Variants in DPP8 observed in about 807,000 individuals in gnomAD.
DPP8 encodes the protein dipeptidyl peptidase 8, also known as DPP VIII.
DPP8 carries 31 observed loss-of-function variants against 107.5 expected under a neutral mutation model. The observed-to-expected ratio is 0.29, with a 90% CI of 0.22 to 0.39. DPP8 has a LOEUF of 0.39. Among genes scored for constraint, DPP8 ranks in the 10% least tolerant of loss-of-function variants. The pLI is 1.00. For missense variants in DPP8, 842 were observed against 1,076.1 expected (o/e 0.78, Z 3.04); for synonymous variants, 381 against 356.6 (o/e 1.07, Z -0.77).
intron 4 of DPP8, among the ~76,000 whole-genome samples, chr15:65,500,073 A>T (rs1052748390): frequency 1.1e-4 from 16 of 151,180 alleles, no homozygotes; most frequent in Non-Finnish European, 2.1e-4. Context: ...GTTTTTTTAA[A>T]TTTTTTTTTG....
chr15:65,515,616 C>G lies in DPP8; in HGVS notation c.-12+1870G>C, dbSNP rs915812404. ...AGCACAGTGCATATATTTCACTGCC[C>G]CACCTACCTCGTCACTTAAGTAGTT... is the stretch of plus-strand genomic sequence containing the variant. On this transcript the variant is annotated intron_variant, in intron 1 of 19. Transcript: ENST00000300141. 3.1e-6 allele frequency: 5 copies of G among 1,592,406 alleles called. No individual in the cohort carries two copies. The Admixed American group carries it at 5.0e-5, about 16-fold the overall frequency.
chr15:65,467,117 G>C lies in DPP8; in HGVS notation c.1643C>G (p.Thr548Arg), dbSNP rs565424889. The C allele has an allele frequency of 1.2e-5, 20 of 1,614,150 alleles. No individual in the cohort carries two copies. In the African/African-American group the frequency reaches 2.5e-4, roughly 20 times the overall value. Residue 548 changes from threonine to arginine, a missense_variant, in exon 13 of 20, where the codon ACA becomes AGA. By Grantham distance (71) the Thr-to-Arg change is moderately conservative. Coordinates refer to ENST00000300141, the MANE Select transcript of DPP8 (RefSeq NM_130434.5). ...VVSYVNPGEVTRLTDRGYSHS... is the reference protein window; with the variant it reads ...VVSYVNPGEVRRLTDRGYSHS... Reference sequence around the variant, plus strand: ...TGAGTAGCCACGGTCAGTCAGCCTTGTCACCTCTCCAGGATTTACGTAACT... The same window carrying C: ...TGAGTAGCCACGGTCAGTCAGCCTTCTCACCTCTCCAGGATTTACGTAACT...
At chr15:65,455,528 T>G (rs1252044369) in intron 16 of DPP8, 5 of 390,468 alleles carry the variant, frequency 1.3e-5, no homozygotes, top group Non-Finnish European at 8.0e-6. Context: ...CTCTAGGAAC[T>G]GAACATACTA....
intron 14 of DPP8, among the ~76,000 whole-genome samples, chr15:65,465,848 G>A (rs2065304693): frequency 6.6e-6 from 1 of 152,034 alleles, no homozygotes; most frequent in Non-Finnish European, 1.5e-5. Context: ...GAGCCACCAC[G>A]CCCAGCCCAG....
At chr15:65,493,871 A>AGAT (rs2068288418) in intron 5 of DPP8, among the ~76,000 whole-genome samples, 2 of 152,134 alleles carry the variant, frequency 1.3e-5, no homozygotes, top group Non-Finnish European at 2.9e-5. Context: ...ACTTTCACTT[A>AGAT]GAAACCTATT....
intron 3 of DPP8, 130 bp from the exon 4 acceptor site, chr15:65,500,909 ACT>A: frequency 1.5e-6 from 1 of 670,488 alleles, no homozygotes; most frequent in Non-Finnish European, 2.3e-6. Flanking sequence ...ACAGAGTTTC[ACT>A]CTGTCACCCA....
At chr15:65,472,639 T>C (rs1242399936) in intron 12 of DPP8, among the ~76,000 whole-genome samples, 1 of 152,188 alleles carries the variant, frequency 6.6e-6, no homozygotes, top group African/African-American at 2.4e-5. Context: ...TAGTCTATAA[T>C]AGATTTTTAA....
At chr15:65,511,734 A>G (rs1291753374) in intron 2 of DPP8, among the ~76,000 whole-genome samples, 1 of 666 alleles carries the variant, frequency 1.5e-3, no homozygotes, top group African/African-American at 3.8e-3. Flanking sequence ...CCACACACAC[A>G]CACAAATAAA....
intron 1 of DPP8, among the ~76,000 whole-genome samples, chr15:65,515,236 G>A (rs1567311361): frequency 1.3e-5 from 2 of 152,196 alleles, no homozygotes; most frequent in Non-Finnish European, 2.9e-5. Context: ...GCCATGCCCA[G>A]CTTCTTATTA....
chr15:65,458,598 T>C lies in DPP8; in HGVS notation c.1972-2227A>G, dbSNP rs1363384651. Reference sequence around the variant, plus strand: ...TGTTTAGAAACACAGCTGTTAATAATGGAAAGTTTAAGGAACTGATCCTTG... The same window carrying C: ...TGTTTAGAAACACAGCTGTTAATAACGGAAAGTTTAAGGAACTGATCCTTG... On this transcript the variant is annotated intron_variant, in intron 15 of 19. Coordinates refer to ENST00000300141, the MANE Select transcript of DPP8 (RefSeq NM_130434.5). 3 of 152,294 alleles carry C rather than the reference T, an allele frequency of 2.0e-5. No individual in the cohort carries two copies. The East Asian group carries it at 5.8e-4, about 29-fold the overall frequency. The allele number at this position is 152,294 out of a possible 1,614,324, so 9.4% of individuals were successfully genotyped here. A position where few individuals can be genotyped will look rare whatever the true frequency, so the allele number is the denominator to read the frequency against.
intron 2 of DPP8, among the ~76,000 whole-genome samples, chr15:65,509,444 A>G (rs1265359264): frequency 1.3e-5 from 2 of 152,226 alleles, no homozygotes; most frequent in African/African-American, 2.4e-5. Flanking sequence ...AGCACATTCT[A>G]TGTTCTGACA....
chr15:65,499,089 G>T (rs1457061514), intron 4 of DPP8, among the ~76,000 whole-genome samples: 1 of 118,578 alleles, frequency 8.4e-6, no homozygotes, highest in African/African-American at 3.6e-5. Context: ...GTGTGTGTGT[G>T]TGTGTGTGTG....
In DPP8 at chr15:65,490,288, T is replaced by C. The variant is rs371457497; in HGVS notation, c.727A>G (p.Met243Val). The C allele has an allele frequency of 1.2e-5, 19 of 1,610,224 alleles. No homozygotes were observed. The highest frequency in any genetic ancestry group is 1.4e-5 in the Non-Finnish European group (17 of 1,176,542). The change falls in exon 6 of 20, where the codon ATG (methionine) becomes GTG (valine). Residue 243 changes from methionine to valine, a missense_variant. Coordinates refer to ENST00000300141, the MANE Select transcript of DPP8 (RefSeq NM_130434.5). The stretch of plus-strand genomic sequence containing the variant: ...CCAGCTGATCTGGCATCTTCTTCCA[T>C]GTTGGCTAGCTCTAGACAAATATAA... ...LTYVHNELAN[M>V]EEDARSAGVA... is the part of the protein sequence containing the mutation.
rs1391743818 is a variant in DPP8, at chr15:65,442,964, G to A, written c.*3920C>T. The stretch of plus-strand genomic sequence containing the variant: ...AAATAGCTATAAAGATGGGCTCCCA[G>A]GCTTAAGCAAGCACTCTACTCTATA... On this transcript the variant is annotated 3_prime_UTR_variant, in exon 20 of 20. Transcript: ENST00000300141. 6.6e-6 allele frequency: 1 copy of A among 152,086 alleles called. No individual in the cohort carries two copies. The highest frequency in any genetic ancestry group is 1.5e-5 in the Non-Finnish European group (1 of 68,044). 9.4% of individuals were successfully genotyped at this position (152,086 alleles called of 1,614,324 possible). A position where few individuals can be genotyped will look rare whatever the true frequency, so the allele number is the denominator to read the frequency against.
chr15:65,476,463 G>C (rs352464), intron 11 of DPP8, among the ~76,000 whole-genome samples: 9,142 of 152,182 alleles, frequency 0.06, 275 homozygotes, highest in African/African-American at 0.081. Context: ...GGATGACTTG[G>C]AGCAAGAAAG....
chr15:65,466,228 T>C (rs746051240), intron 14 of DPP8, among the ~76,000 whole-genome samples: 2 of 152,148 alleles, frequency 1.3e-5, no homozygotes, highest in Non-Finnish European at 2.9e-5. Context: ...AACCTCCGCC[T>C]CCCAGCTTCA....
At chr15:65,484,095 G>A (rs62015043) in intron 8 of DPP8, among the ~76,000 whole-genome samples, 4,438 of 152,192 alleles carry the variant, frequency 0.029, 113 homozygotes, top group Middle Eastern at 0.051. Context: ...TTGGAAGGCC[G>A]AGGTGGGCAG....
In DPP8 at chr15:65,466,756, G is replaced by T; in HGVS notation, c.1747C>A (p.Leu583Ile). Reference protein sequence around the residue: ...SNQKNPHCVSLYKLSSPEDDP... With the variant: ...SNQKNPHCVSIYKLSSPEDDP... ...TCTTCAGGACTTGATAGCTTGTAAA[G>T]GGACACACAGTGTGGATTCTTCTGG... Residue 583 changes from leucine (L) to isoleucine (I), a missense_variant, in exon 14 of 20, where the codon CTT becomes ATT. By Grantham distance (5) the Leu-to-Ile change is conservative (BLOSUM62 2). Coordinates refer to ENST00000300141, the MANE Select transcript of DPP8 (RefSeq NM_130434.5). The T allele has an allele frequency of 4.3e-6, 7 of 1,613,894 alleles. No individual in the cohort carries two copies. Among genetic ancestry groups the T allele is most frequent in the Non-Finnish European group, 5.9e-6 (7 of 1,179,814 alleles).
chr15:65,499,054 T>TC (rs1226190102), intron 4 of DPP8, among the ~76,000 whole-genome samples: 5 of 140,960 alleles, frequency 3.5e-5, no homozygotes, highest in South Asian at 2.3e-4. Context: ...AGACTTTGTC[T>TC]CCCCCCCAAA....
Sources: gnomAD v4.1 joint callset for allele counts (sites outside exome capture counted in the v4.1 genomes callset) on GRCh38, gnomAD v4.1.1 for gene constraint, MANE v1.5 for transcripts, NCBI Gene and HGNC (gene_info 2026-07-23, HGNC 2026-07-21) for gene names.